The following ANO5 variants were observed in gnomAD, a reference collection of about 807,000 sequenced individuals.
The protein encoded by ANO5 is anoctamin 5, also known as anoctamin-5.
In ANO5, 109 loss-of-function variants were observed where a neutral mutation model predicts 121.0. The observed-to-expected ratio is 0.90, with a 90% CI of 0.77 to 1.06. The LOEUF (loss-of-function observed/expected upper bound fraction) is 1.06. ANO5 is among the 50% of genes least tolerant of loss of function. ANO5 has a pLI of 0.00. For missense variants in ANO5, 1,064 were observed against 1,078.5 expected, an observed-to-expected ratio of 0.99 and a Z score of 0.19; for synonymous variants, 406 against 359.9, an observed-to-expected ratio of 1.13 and a Z score of -1.45.
chr11:22,195,251 A>C (rs1851771711), intron 1 of ANO5, among the ~76,000 whole-genome samples: 1 of 152,098 alleles, frequency 6.6e-6, no homozygotes, highest in Non-Finnish European at 1.5e-5. Flanking sequence ...TATTCAGATC[A>C]TTTGCCTGTT....
At chr11:22,203,905 A>G in intron 2 of ANO5, 55 bp downstream of exon 2, 1 of 1,219,096 alleles carries the variant, frequency 8.2e-7, no homozygotes, top group Admixed American at 1.8e-5. Flanking sequence ...AAAAATCAAG[A>G]TAAGGTTAAC....
chr11:22,221,827 T>A (rs1231233844), intron 5 of ANO5, among the ~76,000 whole-genome samples: 1 of 151,986 alleles, frequency 6.6e-6, no homozygotes, highest in African/African-American at 2.4e-5. Flanking sequence ...CACATATATG[T>A]GTGTGTGCAT....
chr11:22,266,353 T>C (rs1424791789), intron 17 of ANO5, among the ~76,000 whole-genome samples: 1 of 152,148 alleles, frequency 6.6e-6, no homozygotes, highest in Non-Finnish European at 1.5e-5. Context: ...TTTTCCTCTT[T>C]ACATCATTCA....
intron 17 of ANO5, among the ~76,000 whole-genome samples, chr11:22,265,915 G>C (rs771104602): frequency 6.6e-6 from 1 of 152,164 alleles, no homozygotes; most frequent in Non-Finnish European, 1.5e-5. Context: ...ATGGAGTAGA[G>C]ATTGTAGAAA....
intron 3 of ANO5, among the ~76,000 whole-genome samples, chr11:22,215,477 A>T (rs1852409090): frequency 6.6e-6 from 1 of 151,990 alleles, no homozygotes; most frequent in Non-Finnish European, 1.5e-5. Context: ...TTTCAAGTGT[A>T]GTCCTTTCTC....
chr11:22,207,010 A>G (rs1183183853), intron 2 of ANO5, among the ~76,000 whole-genome samples: 1 of 152,050 alleles, frequency 6.6e-6, no homozygotes, highest in Non-Finnish European at 1.5e-5. Context: ...AATCCCAAGA[A>G]ATCTACAAAA....
intron 17 of ANO5, among the ~76,000 whole-genome samples, chr11:22,265,066 AT>A (rs771359558): frequency 2.6e-5 from 4 of 152,290 alleles, no homozygotes; most frequent in East Asian, 1.9e-4. Context: ...ATTGCTGAAC[AT>A]TTTTCAAAAA....
At chr11:22,198,676 C>A (rs1371084195) in intron 1 of ANO5, among the ~76,000 whole-genome samples, 2 of 152,032 alleles carry the variant, frequency 1.3e-5, no homozygotes, top group Non-Finnish European at 2.9e-5. Flanking sequence ...TTAAGGTTTG[C>A]AGTTGCTTGA....
chr11:22,242,266 C>T (rs1025530149), intron 9 of ANO5, among the ~76,000 whole-genome samples: 1 of 152,070 alleles, frequency 6.6e-6, no homozygotes, highest in East Asian at 1.9e-4. Context: ...CAGTACCATG[C>T]TGTTTTGCTT....
intron 1 of ANO5, among the ~76,000 whole-genome samples, chr11:22,194,369 A>T (rs1851745226): frequency 6.6e-6 from 1 of 152,208 alleles, no homozygotes; most frequent in Non-Finnish European, 1.5e-5. Flanking sequence ...AGATCTGATC[A>T]TTACTATTCA....
chr11:22,265,270 T>A (rs72982045), intron 17 of ANO5, among the ~76,000 whole-genome samples: 3,104 of 152,288 alleles, frequency 0.02, 45 homozygotes, highest in Non-Finnish European at 0.03. Flanking sequence ...CATCAGTTTC[T>A]CATCAATAGC....
At chr11:22,267,508 T>TTATATATATATATATATATATATATATA (rs567878499) in intron 17 of ANO5, among the ~76,000 whole-genome samples, 1 of 126,064 alleles carries the variant, frequency 7.9e-6, no homozygotes, top group African/African-American at 4.7e-5. Flanking sequence ...ATATCTACAA[T>TTATATATATATATATATATATATATATA]TATATATATA....
chr11:22,282,144 A>G lies in ANO5; in HGVS notation c.*2379A>G, dbSNP rs1411898617. On this transcript the variant is annotated 3_prime_UTR_variant, in exon 22 of 22. Coordinates refer to ENST00000324559, the MANE Select transcript of ANO5 (RefSeq NM_213599.3). ...CACATGTAAGTTGATAATTACCAGCATGGCAGGTGATTTTATCTGCTGACC... is the reference window on the plus strand; with the variant it reads ...CACATGTAAGTTGATAATTACCAGCGTGGCAGGTGATTTTATCTGCTGACC... The G allele has an allele frequency of 6.6e-6, 1 of 152,140 alleles. No homozygotes were observed. The highest frequency in any genetic ancestry group is 1.5e-5 in the Non-Finnish European group (1 of 67,994). The allele number at this position is 152,140 out of a possible 1,614,324, so 9.4% of individuals were successfully genotyped here.
chr11:22,273,665 A>C (rs187881437), intron 19 of ANO5, among the ~76,000 whole-genome samples: 1 of 152,276 alleles, frequency 6.6e-6, no homozygotes, highest in Non-Finnish European at 1.5e-5. Context: ...AATTGATAGT[A>C]GTAAAAAAGA....
chr11:22,225,624 G>A (rs1852797841), intron 5 of ANO5, among the ~76,000 whole-genome samples: 1 of 152,132 alleles, frequency 6.6e-6, no homozygotes, highest in African/African-American at 2.4e-5. Flanking sequence ...TAAATGTATA[G>A]TTTATTTGAA....
chr11:22,252,055 A>AC (rs1564937274), intron 12 of ANO5, among the ~76,000 whole-genome samples: 4 of 137,754 alleles, frequency 2.9e-5, no homozygotes, highest in African/African-American at 1.2e-4. Flanking sequence ...AAAAAAAAAA[A>AC]AAAACTAGGC....
chr11:22,205,265 A>T (rs1489640309), intron 2 of ANO5, among the ~76,000 whole-genome samples: 1 of 152,046 alleles, frequency 6.6e-6, no homozygotes, highest in Non-Finnish European at 1.5e-5. Flanking sequence ...TAATACCTGG[A>T]TGATGAAATA....
intron 3 of ANO5, among the ~76,000 whole-genome samples, chr11:22,217,329 A>T (rs900953193): frequency 1.3e-5 from 2 of 151,896 alleles, no homozygotes; most frequent in Non-Finnish European, 1.5e-5. Flanking sequence ...TAGGTAATTG[A>T]CCCTGTATTT....
In ANO5 at chr11:22,218,231, T is replaced by C. The variant is rs1452733649; in HGVS notation, c.139-15T>C. Reference sequence around the variant, plus strand: ...CTGGGCAGGAAGTGCTAATTCTTTATTGGTTGCTTCACAGCCTGCAAAGCG... The same window carrying C: ...CTGGGCAGGAAGTGCTAATTCTTTACTGGTTGCTTCACAGCCTGCAAAGCG... On this transcript the variant is annotated splice_polypyrimidine_tract_variant and intron_variant, in intron 3 of 21. Coordinates refer to ENST00000324559, the MANE Select transcript of ANO5 (RefSeq NM_213599.3). The C allele has an allele frequency of 6.2e-7, 1 of 1,613,188 alleles. No individual in the cohort carries two copies. Among genetic ancestry groups the C allele is most frequent in the Non-Finnish European group, 8.5e-7 (1 of 1,179,700 alleles).
Sources: allele counts gnomAD v4.1 joint callset (sites outside exome capture counted in the v4.1 genomes callset), GRCh38; gene constraint gnomAD v4.1.1; transcripts MANE v1.5; gene names NCBI Gene and HGNC (gene_info 2026-07-23, HGNC 2026-07-21).